The following EML4 variants were observed in gnomAD, a reference collection of about 807,000 sequenced individuals.
EML4 encodes the protein echinoderm microtubule-associated protein-like 4.
In EML4, 72 loss-of-function variants were observed where a neutral mutation model predicts 129.0. The observed-to-expected ratio is 0.56, with a 90% CI of 0.46 to 0.68. The LOEUF (loss-of-function observed/expected upper bound fraction) is 0.68. EML4 is among the 30% of genes least tolerant of loss of function. The probability of loss-of-function intolerance (pLI) is 0.00; values close to 1 mark genes in which losing one functional copy is unlikely to be tolerated. For missense variants in EML4, 1,363 were observed against 1,190.6 expected (o/e 1.14, Z -2.13); for synonymous variants, 532 against 405.0 (o/e 1.31, Z -3.77).
At chr2:42,232,213 A>G (rs948380102) in intron 1 of EML4, among the ~76,000 whole-genome samples, 1 of 152,196 alleles carries the variant, frequency 6.6e-6, no homozygotes, top group Non-Finnish European at 1.5e-5. Context: ...GCCAGGGTAC[A>G]TAATATACAA....
intron 1 of EML4, among the ~76,000 whole-genome samples, chr2:42,215,457 G>A (rs1572558479): frequency 6.6e-6 from 1 of 151,968 alleles, no homozygotes; most frequent in South Asian, 2.1e-4. Flanking sequence ...AAGCTTCCAG[G>A]GTACTCTGCA....
intron 17 of EML4, among the ~76,000 whole-genome samples, chr2:42,308,119 C>G (rs979107404): frequency 3.9e-5 from 6 of 152,128 alleles, no homozygotes; most frequent in Non-Finnish European, 7.3e-5. Flanking sequence ...CAAATAAGTA[C>G]AATTATCATT....
rs762241162 is a variant in EML4, at chr2:42,325,459, T to C, written c.2155-8T>C. Reference sequence around the variant, plus strand: ...ATGCTTTCTAACAATTTATCTGTTATTTTCTAGGGACATTCCAGCTACATC... The same window carrying C: ...ATGCTTTCTAACAATTTATCTGTTACTTTCTAGGGACATTCCAGCTACATC... On this transcript the variant is annotated splice_polypyrimidine_tract_variant and splice_region_variant and intron_variant, in intron 19 of 22. Coordinates refer to ENST00000318522, the MANE Select transcript of EML4 (RefSeq NM_019063.5). The C allele has an allele frequency of 6.9e-7, 1 of 1,445,988 alleles. No individual in the cohort carries two copies. The highest frequency in any genetic ancestry group is 1.2e-5 in the South Asian group (1 of 85,254). The allele number at this position is 1,445,988 out of a possible 1,614,324, so 89.6% of individuals were successfully genotyped here. A position where few individuals can be genotyped will look rare whatever the true frequency, so the allele number is the denominator to read the frequency against.
rs1352763678 is a variant in EML4, at chr2:42,329,899, A to G, written c.2638A>G (p.Thr880Ala). 3 of 1,613,872 alleles carry G rather than the reference A, an allele frequency of 1.9e-6. No individual in the cohort carries two copies. The South Asian group carries it at 3.3e-5, about 18-fold the overall frequency. The change falls in exon 23 of 23, where the codon ACT becomes GCT. Residue 880 changes from threonine to alanine, a missense_variant. Coordinates refer to ENST00000318522, the MANE Select transcript of EML4 (RefSeq NM_019063.5). ...TCAGAATGAGACTGTAGCGGATACT[A>G]CTCTAACCAAAGCCCCCGTCTCTTC... ...LPQNETVADT[T>A]LTKAPVSSTE...
At chr2:42,315,887 AAAAG>A in intron 17 of EML4, 71 bp from the exon 18 acceptor site, 1 of 1,136,566 alleles carries the variant, frequency 8.8e-7, no homozygotes. Context: ...TCTCAAAAAA[AAAAG>A]AAAAAGAACA....
chr2:42,256,630 G>T lies in EML4; in HGVS notation c.338G>T (p.Ser113Ile), dbSNP rs1268834634. Residue 113 changes from serine to isoleucine, a missense_variant and splice_region_variant, in exon 3 of 23, where the codon AGT becomes ATT. Physicochemically the swap from Ser to Ile is moderately radical, Grantham distance 142 (BLOSUM62 -2). Transcript: ENST00000318522. ...GAAACTCTTTCATCTGCTGCTAAAA[G>T]GTACCCATTTATGAAAGGGGGAAAA... ...GKETLSSAAK[S>I]GTEKKKEKPQ... 1.9e-6 allele frequency: 3 copies of T among 1,613,038 alleles called. No homozygotes were observed. Among genetic ancestry groups the T allele is most frequent in the South Asian group, 1.1e-5 (1 of 90,958 alleles).
chr2:42,284,754 G>T, intron 9 of EML4, 51 bp downstream of exon 9: 1 of 1,355,764 alleles, frequency 7.4e-7, no homozygotes, highest in Non-Finnish European at 1.0e-6. Context: ...TGCTGTTAGA[G>T]TGGAATCTAT....
chr2:42,281,318 G>A (rs1041883281), intron 7 of EML4, among the ~76,000 whole-genome samples: 3 of 151,702 alleles, frequency 2.0e-5, no homozygotes, highest in Admixed American at 6.6e-5. Context: ...ACTTGAACCC[G>A]GGAGGCGGAG....
chr2:42,245,430 G>A (rs563960882), intron 1 of EML4, 75 bp from the exon 2 acceptor site: 2 of 1,357,414 alleles, frequency 1.5e-6, no homozygotes, highest in Non-Finnish European at 2.0e-6. Context: ...TCTTATGTGG[G>A]ATGGTTTTTC....
At chr2:42,254,066 A>G (rs958455887) in intron 2 of EML4, among the ~76,000 whole-genome samples, 1 of 152,254 alleles carries the variant, frequency 6.6e-6, no homozygotes, top group Non-Finnish European at 1.5e-5. Context: ...TGCCTCAGTT[A>G]TTAAGAAGGA....
intron 1 of EML4, among the ~76,000 whole-genome samples, chr2:42,194,462 G>A (rs1671785094): frequency 6.7e-6 from 1 of 149,152 alleles, no homozygotes; most frequent in African/African-American, 2.5e-5. Context: ...GGCTTGCCTG[G>A]TTACTTTTTT....
intron 6 of EML4, among the ~76,000 whole-genome samples, chr2:42,277,761 G>A (rs1401513034): frequency 6.6e-6 from 1 of 152,074 alleles, no homozygotes; most frequent in African/African-American, 2.4e-5. Flanking sequence ...TAGAGACGGG[G>A]TTTCACCGTG....
At chr2:42,280,111 A>C (rs551947135) in intron 6 of EML4, among the ~76,000 whole-genome samples, 62 of 152,172 alleles carry the variant, frequency 4.1e-4, no homozygotes, top group Non-Finnish European at 7.2e-4. Context: ...GCCGTTTAAC[A>C]TCTGTAGGTT....
intron 1 of EML4, among the ~76,000 whole-genome samples, chr2:42,219,056 C>A (rs140832444): frequency 2.6e-5 from 4 of 152,294 alleles, no homozygotes; most frequent in African/African-American, 9.6e-5. Flanking sequence ...TTGCTTGTTT[C>A]ATCAGTGACA....
At chr2:42,222,958 C>A (rs1365460000) in intron 1 of EML4, among the ~76,000 whole-genome samples, 1 of 152,014 alleles carries the variant, frequency 6.6e-6, no homozygotes, top group African/African-American at 2.4e-5. Flanking sequence ...GCCACCACAC[C>A]CGGTTAATTT....
chr2:42,265,047 C>A, intron 6 of EML4: 1 of 1,203,404 alleles, frequency 8.3e-7, no homozygotes, highest in Non-Finnish European at 1.2e-6. Flanking sequence ...GACTTTCTTC[C>A]TTAAAAAGGA....
intron 6 of EML4, among the ~76,000 whole-genome samples, chr2:42,275,045 G>T (rs1008070818): frequency 1.3e-5 from 2 of 152,282 alleles, no homozygotes; most frequent in Non-Finnish European, 2.9e-5. Flanking sequence ...AACTGGACTA[G>T]CCTGAGGCCC....
At chr2:42,299,781 C>A (rs992242949) in intron 13 of EML4, among the ~76,000 whole-genome samples, 1 of 152,170 alleles carries the variant, frequency 6.6e-6, no homozygotes, top group East Asian at 1.9e-4. Context: ...CTCCGCCTCC[C>A]AGGTTCAAGC....
At chr2:42,204,340 A>G (rs2103982516) in intron 1 of EML4, among the ~76,000 whole-genome samples, 1 of 152,280 alleles carries the variant, frequency 6.6e-6, no homozygotes, top group East Asian at 1.9e-4. Context: ...TGATTTCAGT[A>G]CCTACAGCTT....
Sources: allele counts gnomAD v4.1 joint callset (sites outside exome capture counted in the v4.1 genomes callset), GRCh38; gene constraint gnomAD v4.1.1; transcripts MANE v1.5; gene names NCBI Gene and HGNC (gene_info 2026-07-23, HGNC 2026-07-21).